ARHGEF4: variants seen among roughly 807,000 people sequenced by gnomAD.
ARHGEF4 encodes APC-stimulated guanine nucleotide exchange factor 1.
A neutral mutation model predicts 162.0 loss-of-function variants in ARHGEF4; 119 were observed. That is an observed-to-expected ratio of 0.73 (90% CI 0.63 to 0.86). The LOEUF (loss-of-function observed/expected upper bound fraction) is 0.86. ARHGEF4 is among the 40% of genes least tolerant of loss of function. ARHGEF4 has a pLI of 0.00. For synonymous variants in ARHGEF4, 1,014 were observed against 979.9 expected (o/e 1.03, Z -0.65); for missense variants, 2,488 against 2,456.0 (o/e 1.01, Z -0.28).
At chr2:131,034,552 A>G (rs932918073) in intron 5 of ARHGEF4, among the ~76,000 whole-genome samples, 1 of 152,092 alleles carries the variant, frequency 6.6e-6, no homozygotes, top group Non-Finnish European at 1.5e-5. Flanking sequence ...GCGCGATTTT[A>G]TGACTGAGCA....
intron 2 of ARHGEF4, among the ~76,000 whole-genome samples, chr2:130,927,869 G>A (rs1381006635): frequency 1.3e-5 from 2 of 152,192 alleles, no homozygotes; most frequent in African/African-American, 4.8e-5. Context: ...CAAACAGGAA[G>A]TGTGTCTATG....
chr2:130,999,364 GC>G (rs1687618121), intron 4 of ARHGEF4, among the ~76,000 whole-genome samples: 1 of 151,936 alleles, frequency 6.6e-6, no homozygotes, highest in Non-Finnish European at 1.5e-5. Context: ...TACCATGTTA[GC>G]CAGGATGGTC....
At chr2:130,987,786 A>G (rs1686622872) in intron 4 of ARHGEF4, among the ~76,000 whole-genome samples, 1 of 152,196 alleles carries the variant, frequency 6.6e-6, no homozygotes, top group Non-Finnish European at 1.5e-5. Flanking sequence ...TGGGATTGTC[A>G]TGGAAAAATA....
intron 3 of ARHGEF4, among the ~76,000 whole-genome samples, chr2:130,938,576 T>A (rs1335664373): frequency 2.6e-5 from 4 of 152,184 alleles, no homozygotes; most frequent in Non-Finnish European, 5.9e-5. Flanking sequence ...TTTTTTAATG[T>A]TGGTCTTTGA....
At chr2:130,849,534 A>G (rs879386414) in intron 1 of ARHGEF4, among the ~76,000 whole-genome samples, 5 of 150,428 alleles carry the variant, frequency 3.3e-5, no homozygotes, top group Admixed American at 6.6e-5. Context: ...CAGAGGGACC[A>G]CTATCACACA....
intron 13 of ARHGEF4, 24 bp downstream of exon 13, chr2:131,045,470 C>A (rs760011219): frequency 1.2e-6 from 2 of 1,613,446 alleles, no homozygotes; most frequent in African/African-American, 2.7e-5. Context: ...AGCCCCACCT[C>A]CTCGGCTGCC....
intron 2 of ARHGEF4, among the ~76,000 whole-genome samples, chr2:130,924,060 T>G (rs1229643473): frequency 2.0e-5 from 3 of 151,176 alleles, no homozygotes; most frequent in Non-Finnish European, 3.0e-5. Flanking sequence ...TTTTTGTGCT[T>G]TTAGTAGATA....
intron 4 of ARHGEF4, among the ~76,000 whole-genome samples, chr2:131,019,372 A>G (rs1573625690): frequency 1.3e-5 from 2 of 152,090 alleles, no homozygotes; most frequent in East Asian, 3.9e-4. Flanking sequence ...AGATCGTGCC[A>G]TTGCACTGCA....
At chr2:130,944,475 T>C (rs1683492011) in intron 3 of ARHGEF4, among the ~76,000 whole-genome samples, 3 of 152,226 alleles carry the variant, frequency 2.0e-5, no homozygotes, top group Non-Finnish European at 4.4e-5. Context: ...TTTCTCTCTG[T>C]TCTTCAATTG....
chr2:130,908,798 A>G (rs1298552811), intron 1 of ARHGEF4, among the ~76,000 whole-genome samples: 1 of 152,232 alleles, frequency 6.6e-6, no homozygotes, highest in Non-Finnish European at 1.5e-5. Flanking sequence ...CTGACAAAAG[A>G]CTTATATATA....
At chr2:131,023,464 T>G (rs1689277078) in intron 4 of ARHGEF4, among the ~76,000 whole-genome samples, 1 of 151,988 alleles carries the variant, frequency 6.6e-6, no homozygotes, top group Admixed American at 6.6e-5. Context: ...TAAAGAGATA[T>G]ATCACCAAAG....
chr2:130,948,954 C>T (rs1357990206), intron 4 of ARHGEF4, among the ~76,000 whole-genome samples: 1 of 125,204 alleles, frequency 8.0e-6, no homozygotes, highest in Non-Finnish European at 1.6e-5. Context: ...TCCAACTGAT[C>T]TGTTCCTGAC....
chr2:130,838,479 G>C (rs1360214544), intron 1 of ARHGEF4, among the ~76,000 whole-genome samples: 1 of 152,136 alleles, frequency 6.6e-6, no homozygotes, highest in South Asian at 2.1e-4. Context: ...GGTAGTGGGC[G>C]CCTGTAATCC....
intron 4 of ARHGEF4, among the ~76,000 whole-genome samples, chr2:130,992,581 C>G (rs992621811): frequency 6.6e-6 from 1 of 151,942 alleles, no homozygotes; most frequent in Admixed American, 6.6e-5. Context: ...CGAACCTATC[C>G]GACCATCAGA....
In ARHGEF4 at chr2:130,914,982, G is replaced by A. The variant is rs1432209332; in HGVS notation, c.1036G>A (p.Glu346Lys). ...RAHSIAGFSP[E>K]CPEDPVGQNV... is the part of the protein sequence containing the mutation. ...CCATTCCATAGCAGGGTTTTCACCA[G>A]AGTGCCCCGAGGATCCCGTGGGACA... Residue 346 changes from glutamate (E) to lysine (K), a missense_variant, in exon 2 of 14, where the codon GAG becomes AAG. By Grantham distance (56) the Glu-to-Lys change is moderately conservative (BLOSUM62 1). Transcript: ENST00000409359. 15 of 1,550,448 alleles carry A rather than the reference G, an allele frequency of 9.7e-6. No individual in the cohort carries two copies. The highest frequency in any genetic ancestry group is 1.4e-5 in the African/African-American group (1 of 73,052).
chr2:131,028,059 G>C lies in ARHGEF4; in HGVS notation c.4100G>C (p.Gly1367Ala). The change falls in exon 5 of 14, where the codon GGT becomes GCT. Residue 1367 changes from glycine (G) to alanine (A), a missense_variant. Physicochemically the swap from Gly to Ala is moderately conservative, Grantham distance 60 (BLOSUM62 0). This residue lies in a region of ARHGEF4 where 1,642 missense variants were observed against 1,481.5 expected (regional missense o/e 1.11). Transcript: ENST00000409359. ...CACCACTACAGCCACCCTGGAGGGG[G>C]TGGGGAGCAGCTGGCTATCAATGAG... ...SSHHYSHPGG[G>A]GEQLAINELI... 2.5e-6 allele frequency: 4 copies of C among 1,614,020 alleles called. No homozygotes were observed. The highest frequency in any genetic ancestry group is 2.5e-6 in the Non-Finnish European group (3 of 1,180,014).
chr2:130,895,951 T>C (rs920842486), intron 1 of ARHGEF4, among the ~76,000 whole-genome samples: 1 of 152,204 alleles, frequency 6.6e-6, no homozygotes, highest in Non-Finnish European at 1.5e-5. Flanking sequence ...AGTGTTATGG[T>C]TTAGTCCTAG....
rs1559035962 is a variant in ARHGEF4 at position 130,915,101 on chromosome 2, GCTGT to G, written c.1159_1162del (p.Ser387AlafsTer42). The stretch of plus-strand genomic sequence containing the variant: ...ACATCCCTTCCCCTGCACCCACCCA[GCTGT>G]CTGGCCCGATTCCTGCTTTTCAGAG... On this transcript the variant is annotated frameshift_variant, in exon 2 of 14. Transcript: ENST00000409359. LOFTEE classifies it high-confidence loss of function. The G allele has an allele frequency of 6.4e-7, 1 of 1,550,704 alleles. No homozygotes were observed. Among genetic ancestry groups the G allele is most frequent in the Non-Finnish European group, 8.7e-7 (1 of 1,147,028 alleles).
At chr2:130,857,088 T>C (rs1574108363) in intron 1 of ARHGEF4, among the ~76,000 whole-genome samples, 1 of 152,076 alleles carries the variant, frequency 6.6e-6, no homozygotes, top group East Asian at 1.9e-4. Context: ...AAAAATTAGC[T>C]GGGCGTGGTG....
Sources: gnomAD v4.1 joint callset for allele counts (sites outside exome capture counted in the v4.1 genomes callset) on GRCh38, gnomAD v4.1.1 for gene constraint, gnomAD v4.1.1 regional missense constraint, MANE v1.5 for transcripts, NCBI Gene and HGNC (gene_info 2026-07-23, HGNC 2026-07-21) for gene names.